Variants in SPAG7 observed in about 807,000 individuals in gnomAD.
SPAG7 encodes the protein sperm-associated antigen 7.
A neutral mutation model predicts 30.6 loss-of-function variants in SPAG7; 20 were observed. The observed-to-expected ratio is 0.65, with a 90% CI of 0.46 to 0.95. The LOEUF (loss-of-function observed/expected upper bound fraction) is 0.95, where lower values mean the gene tolerates loss of function less well. Among genes scored for constraint, SPAG7 ranks in the 40% least tolerant of loss-of-function variants. SPAG7 has a pLI of 0.00. For synonymous variants in SPAG7, 127 were observed against 104.2 expected (o/e 1.22, Z -1.33); for missense variants, 276 against 291.1 (o/e 0.95, Z 0.38).
chr17:4,967,773 GA>G lies in SPAG7; in HGVS notation c.31del (p.Ser11ProfsTer24), dbSNP rs1567678671. On this transcript the variant is annotated frameshift_variant, in exon 1 of 7. Coordinates refer to ENST00000206020, the MANE Select transcript of SPAG7 (RefSeq NM_004890.3). LOFTEE classifies it high-confidence loss of function. MADLLGSILS[S>X]MEKPPSLGDQ... ...ACCGAGGCTGGGTGGCTTCTCCATG[GA>G]GCTCAGGATGGAGCCCAGTAGGTCC... 2 of 1,614,106 alleles carry G rather than the reference GA, an allele frequency of 1.2e-6. No individual in the cohort carries two copies.
chr17:4,967,300 G>A, intron 1 of SPAG7: 1 of 895,064 alleles, frequency 1.1e-6, no homozygotes, highest in Non-Finnish European at 1.4e-6. Context: ...ACAGGCCTGA[G>A]GAGGCAGAGC....
intron 1 of SPAG7, among the ~76,000 whole-genome samples, chr17:4,965,516 T>G (rs1971934805): frequency 6.6e-6 from 1 of 151,678 alleles, no homozygotes; most frequent in Admixed American, 6.6e-5. Flanking sequence ...TATCATAACT[T>G]CTTTTTTTTT....
At position 4,960,770 on chromosome 17, in the gene SPAG7, C is replaced by T. The variant is rs934346530; in HGVS notation, c.153+16G>A. The T allele has an allele frequency of 1.2e-6, 2 of 1,611,516 alleles. No individual in the cohort carries two copies. Among genetic ancestry groups the T allele is most frequent in the Non-Finnish European group, 8.5e-7 (1 of 1,177,610 alleles). On this transcript the variant is annotated intron_variant, in intron 2 of 6. Coordinates refer to ENST00000206020, the MANE Select transcript of SPAG7 (RefSeq NM_004890.3). ...TCCTTCCTGAGTCTGCCTTTGATCA[C>T]TCCAGTTGTTCTCACCCTTTTACGA...
At chr17:4,966,923 G>C (rs556035472) in intron 1 of SPAG7, 5 of 985,540 alleles carry the variant, frequency 5.1e-6, no homozygotes, top group Non-Finnish European at 6.0e-6. Context: ...GCAGGTTTGG[G>C]AGTTGGGGTC....
chr17:4,959,912 A>G lies in SPAG7; in HGVS notation c.422T>C (p.Leu141Pro), dbSNP rs1287569101. The G allele has an allele frequency of 3.7e-6, 6 of 1,613,196 alleles. No individual in the cohort carries two copies. The highest frequency in any genetic ancestry group is 1.1e-5 in the South Asian group (1 of 91,078). The change falls in exon 6 of 7, where the codon CTG becomes CCG. Residue 141 changes from leucine (L) to proline (P), a missense_variant. By Grantham distance (98) the Leu-to-Pro change is moderately conservative (BLOSUM62 -3). Coordinates refer to ENST00000206020, the MANE Select transcript of SPAG7 (RefSeq NM_004890.3). ...TGCCTCCTCCTCTTGCCTCTGGGCC[A>G]GCTCCTAGGGGTGAAAGTGGGGGCA... Reference protein sequence around the residue: ...KAEEKRKLKELAQRQEEEAAQ... With the variant: ...KAEEKRKLKEPAQRQEEEAAQ...
chr17:4,966,812 G>C (rs533911438), intron 1 of SPAG7: 1,404 of 985,514 alleles, frequency 1.4e-3, no homozygotes, highest in Non-Finnish European at 1.5e-3. Flanking sequence ...ACGAAGCGTA[G>C]GCAACCAGCG....
rs375724808 is a variant in SPAG7 at position 4,967,672 on chromosome 17, T to G, written c.85+48A>C. On this transcript the variant is annotated intron_variant, in intron 1 of 6. Transcript: ENST00000206020. ...ATCGTCCAAAGAGGGAGAAGTATGG[T>G]CCCGAGAACCGGGCGAAGGAAGGCG... 435 of 1,416,256 alleles carry G rather than the reference T, an allele frequency of 3.1e-4. 7 individuals carry two copies. In the South Asian group the frequency reaches 4.9e-3, roughly 16 times the overall value. The allele number at this position is 1,416,256 out of a possible 1,614,324, so 87.7% of individuals were successfully genotyped here.
rs1288692462 is a variant in SPAG7 at position 4,967,772 on chromosome 17, G to A, written c.33C>T (p.Ser11=). The change falls in exon 1 of 7, where the codon TCC becomes TCT. Residue 11 remains serine, a synonymous_variant. Coordinates refer to ENST00000206020, the MANE Select transcript of SPAG7 (RefSeq NM_004890.3). MADLLGSILS[S]MEKPPSLGDQ... is the part of the protein sequence containing the mutation. The stretch of plus-strand genomic sequence containing the variant: ...CACCGAGGCTGGGTGGCTTCTCCAT[G>A]GAGCTCAGGATGGAGCCCAGTAGGT... The A allele has an allele frequency of 6.2e-7, 1 of 1,614,106 alleles. No individual in the cohort carries two copies. The highest frequency in any genetic ancestry group is 1.1e-5 in the South Asian group (1 of 91,086).
In SPAG7 at chr17:4,967,199, G is replaced by A. The variant is rs532061577; in HGVS notation, c.85+521C>T. 1.3e-5 allele frequency: 13 copies of A among 989,958 alleles called. No homozygotes were observed. The African/African-American group carries it at 2.3e-4, about 17-fold the overall frequency. 61.3% of individuals were successfully genotyped at this position (989,958 alleles called of 1,614,324 possible). A position where few individuals can be genotyped will look rare whatever the true frequency, so the allele number is the denominator to read the frequency against. On this transcript the variant is annotated intron_variant, in intron 1 of 6. Transcript: ENST00000206020. Reference sequence around the variant, plus strand: ...TTGTCGGAGGGAGGCAGAAGGGACTGGGTTAAATTAAGCAGGAGGGGCAAG... The same window carrying A: ...TTGTCGGAGGGAGGCAGAAGGGACTAGGTTAAATTAAGCAGGAGGGGCAAG...
At chr17:4,961,188 T>C (rs1003505175) in intron 1 of SPAG7, among the ~76,000 whole-genome samples, 1 of 152,228 alleles carries the variant, frequency 6.6e-6, no homozygotes, top group Non-Finnish European at 1.5e-5. Context: ...CCAGGCATGG[T>C]GGCTCACGCC....
In SPAG7 at chr17:4,960,441, C is replaced by G; in HGVS notation, c.242+18G>C. On this transcript the variant is annotated intron_variant, in intron 3 of 6. Transcript: ENST00000206020. ...CTAGCCACCCATTTCCTTCCTCCCC[C>G]AGCCCAGGGACACTCACAGTATGCT... The G allele has an allele frequency of 6.2e-7, 1 of 1,607,574 alleles. No homozygotes were observed. Among genetic ancestry groups the G allele is most frequent in the Non-Finnish European group, 8.5e-7 (1 of 1,174,954 alleles).
chr17:4,966,402 A>G (rs970393428), intron 1 of SPAG7: 1 of 206,596 alleles, frequency 4.8e-6, no homozygotes, highest in African/African-American at 2.4e-5. Context: ...GCCACTTACC[A>G]AACTAACCAT....
intron 1 of SPAG7, among the ~76,000 whole-genome samples, chr17:4,965,035 G>A (rs1169325629): frequency 2.6e-5 from 4 of 151,928 alleles, no homozygotes; most frequent in Non-Finnish European, 2.9e-5. Flanking sequence ...TCAGCCTCCC[G>A]AGTAGCTGGG....
intron 1 of SPAG7, among the ~76,000 whole-genome samples, chr17:4,962,102 T>G (rs376304712): frequency 6.6e-6 from 1 of 152,072 alleles, no homozygotes; most frequent in Non-Finnish European, 1.5e-5. Context: ...GGAAACCAAT[T>G]AACAAATATC....
rs1971816828 is a variant in SPAG7, at chr17:4,959,319, C to G, written c.*215G>C. 6.8e-6 allele frequency: 4 copies of G among 589,722 alleles called. No homozygotes were observed. The East Asian group carries it at 1.1e-4, about 16-fold the overall frequency. The allele number at this position is 589,722 out of a possible 1,614,324, so 36.5% of individuals were successfully genotyped here. A position where few individuals can be genotyped will look rare whatever the true frequency, so the allele number is the denominator to read the frequency against. On this transcript the variant is annotated 3_prime_UTR_variant, in exon 7 of 7. Transcript: ENST00000206020. ...GGAATAATACAGATTAAATACCCAC[C>G]TGTGCATTCACACTCTCACACACAC...
At position 4,960,801 on chromosome 17, in the gene SPAG7, C is replaced by T. The variant is rs1170897062; in HGVS notation, c.138G>A (p.Val46=). ...KLQEQEKQQK[V]EFRKRMEKEV... ...TTGTTCTCACCCTTTTACGAAACTC[C>T]ACTTTCTGTTGTTTCTCTTGCTCTT... The change falls in exon 2 of 7, where the codon GTG becomes GTA. Residue 46 remains valine (V), a synonymous_variant. Coordinates refer to ENST00000206020, the MANE Select transcript of SPAG7 (RefSeq NM_004890.3). 2 of 1,614,074 alleles carry T rather than the reference C, an allele frequency of 1.2e-6. No homozygotes were observed. Among genetic ancestry groups the T allele is most frequent in the Admixed American group, 1.7e-5 (1 of 60,008 alleles).
At chr17:4,966,494 T>C (rs928500859) in intron 1 of SPAG7, 13 of 756,142 alleles carry the variant, frequency 1.7e-5, no homozygotes, top group Non-Finnish European at 1.6e-5. Flanking sequence ...CATCGGAGCA[T>C]TAGAGAATTC....
chr17:4,960,328 G>C lies in SPAG7; in HGVS notation c.243-10C>G. The C allele has an allele frequency of 6.2e-7, 1 of 1,613,798 alleles. No individual in the cohort carries two copies. The highest frequency in any genetic ancestry group is 8.5e-7 in the Non-Finnish European group (1 of 1,179,658). ...TTCCACCACATCATGTCTGGGATGG[G>C]ATGGCAGAGGGGAAAGAGCATCTTG... On this transcript the variant is annotated splice_polypyrimidine_tract_variant and intron_variant, in intron 3 of 6. Transcript: ENST00000206020.
chr17:4,967,306 A>C, intron 1 of SPAG7: 1 of 852,624 alleles, frequency 1.2e-6, no homozygotes, highest in Non-Finnish European at 1.4e-6. Flanking sequence ...CTGAGGAGGC[A>C]GAGCTTTAAG....
Sources: allele counts gnomAD v4.1 joint callset (sites outside exome capture counted in the v4.1 genomes callset), GRCh38; gene constraint gnomAD v4.1.1; transcripts MANE v1.5; gene names NCBI Gene and HGNC (gene_info 2026-07-23, HGNC 2026-07-21).